Variants in PDCD10 observed in about 807,000 individuals in gnomAD.
PDCD10 encodes the protein programmed cell death 10, also known as programmed cell death protein 10.
A neutral mutation model predicts 29.2 loss-of-function variants in PDCD10; 4 were observed. The ratio of observed to expected loss-of-function variants is 0.14; its 90% CI spans 0.07 to 0.31. PDCD10 has a LOEUF of 0.31. Among genes scored for constraint, PDCD10 ranks in the 10% least tolerant of loss-of-function variants. PDCD10 has a pLI of 1.00. For synonymous variants in PDCD10, 70 were observed against 82.2 expected (o/e 0.85, Z 0.80); for missense variants, 183 against 257.9 (o/e 0.71, Z 1.99).
chr3:167,686,554 C>A (rs935642532), intron 8 of PDCD10, among the ~76,000 whole-genome samples: 1 of 152,192 alleles, frequency 6.6e-6, no homozygotes, highest in Admixed American at 6.5e-5. Context: ...AAAGGATTGA[C>A]AACTATTGCT....
chr3:167,685,340 C>T (rs1422328479), intron 8 of PDCD10, among the ~76,000 whole-genome samples: 1 of 139,882 alleles, frequency 7.1e-6, no homozygotes, highest in Admixed American at 7.7e-5. Context: ...AACCCAGGAG[C>T]TGGAGGTCGC....
intron 2 of PDCD10, among the ~76,000 whole-genome samples, chr3:167,721,099 A>C (rs1192596511): frequency 1.3e-5 from 2 of 152,182 alleles, no homozygotes; most frequent in Non-Finnish European, 2.9e-5. Context: ...TAAAAAAATG[A>C]TCCTAATCAT....
Position 167,725,247 on chromosome 3 carries a change from ACT to A in PDCD10, c.-116-4976_-116-4975del, listed in dbSNP as rs1240748109. 2.0e-3 allele frequency among the ~76,000 whole-genome samples: 286 copies of A among 140,436 alleles called. 1 individual carries two copies. Among genetic ancestry groups the A allele is most frequent in the African/African-American group, 7.3e-3 (266 of 36,508 alleles). 92.1% of individuals were successfully genotyped at this position (140,436 alleles called of 152,430 possible). A position where few individuals can be genotyped will look rare whatever the true frequency, so the allele number is the denominator to read the frequency against. On this transcript the variant is annotated intron_variant, in intron 2 of 8. Coordinates refer to ENST00000392750, the MANE Select transcript of PDCD10 (RefSeq NM_007217.4). ...ACTCCAGCCTGGGCAACAGAGCGAG[ACT>A]CTGTCTCAAAAAAGAAAAAAAAAAA...
chr3:167,684,058 G>A lies in PDCD10; in HGVS notation c.*250C>T, dbSNP rs924137550. 1.8e-5 allele frequency: 7 copies of A among 381,692 alleles called. 1 individual carries two copies. Among genetic ancestry groups the A allele is most frequent in the African/African-American group, 6.1e-5 (3 of 48,940 alleles). The allele number at this position is 381,692 out of a possible 1,614,324, so 23.6% of individuals were successfully genotyped here. The stretch of plus-strand genomic sequence containing the variant: ...ATGTTATATAATGACACATTAAGGC[G>A]TAAATTCTTTTGGCTTATAATTCTT... On this transcript the variant is annotated 3_prime_UTR_variant, in exon 9 of 9. Coordinates refer to ENST00000392750, the MANE Select transcript of PDCD10 (RefSeq NM_007217.4).
intron 3 of PDCD10, among the ~76,000 whole-genome samples, chr3:167,718,141 T>C (rs750041325): frequency 5.3e-5 from 8 of 152,114 alleles, no homozygotes; most frequent in Non-Finnish European, 1.2e-4. Context: ...GTTACCAAGA[T>C]AGGTTACTCA....
intron 8 of PDCD10, 152 bp downstream of exon 8, chr3:167,687,082 T>C (rs1016129917): frequency 1.2e-5 from 7 of 561,324 alleles, no homozygotes; most frequent in Admixed American, 6.4e-5. Context: ...TTAGCAACCA[T>C]TCATTTTCTA....
intron 6 of PDCD10, among the ~76,000 whole-genome samples, chr3:167,691,377 C>G (rs939435535): frequency 1.3e-5 from 2 of 152,128 alleles, no homozygotes; most frequent in African/African-American, 4.8e-5. Flanking sequence ...TTCAATTGTG[C>G]TAAATTAGTA....
In PDCD10 at chr3:167,684,085, A is replaced by G; in HGVS notation, c.*223T>C. The G allele has an allele frequency of 2.3e-6, 1 of 440,974 alleles. No individual in the cohort carries two copies. The highest frequency in any genetic ancestry group is 4.2e-6 in the Non-Finnish European group (1 of 240,272). The allele number at this position is 440,974 out of a possible 1,614,324, so 27.3% of individuals were successfully genotyped here. On this transcript the variant is annotated 3_prime_UTR_variant, in exon 9 of 9. Coordinates refer to ENST00000392750, the MANE Select transcript of PDCD10 (RefSeq NM_007217.4). ...AAATTCTTTTGGCTTATAATTCTTA[A>G]AAGAATGATAATAGCAAAAGTGATG... is the stretch of plus-strand genomic sequence containing the variant.
intron 2 of PDCD10, among the ~76,000 whole-genome samples, chr3:167,724,968 A>G (rs1225776739): frequency 1.3e-5 from 2 of 152,116 alleles, no homozygotes; most frequent in African/African-American, 2.4e-5. Flanking sequence ...AGAGAATCAT[A>G]CTCATCAGCT....
At chr3:167,734,486 G>A (rs1725186320) in intron 1 of PDCD10, 136 bp from the exon 2 acceptor site, 1 of 151,662 alleles carries the variant, frequency 6.6e-6, no homozygotes. Context: ...CACCTTCAAA[G>A]GACCCCACCC....
intron 2 of PDCD10, among the ~76,000 whole-genome samples, chr3:167,722,324 A>C (rs1035128750): frequency 5.8e-4 from 89 of 152,332 alleles, no homozygotes; most frequent in African/African-American, 2.0e-3. Flanking sequence ...GAACAAGACA[A>C]GACAGTCTCT....
At chr3:167,684,498 A>C (rs1719371289) in intron 8 of PDCD10, 109 bp from the exon 9 acceptor site, 3 of 668,478 alleles carry the variant, frequency 4.5e-6, no homozygotes, top group Middle Eastern at 3.8e-4. Context: ...AAAAAAAAAG[A>C]CAAGTTAGTA....
intron 3 of PDCD10, among the ~76,000 whole-genome samples, chr3:167,714,170 C>A (rs1234319046): frequency 6.6e-6 from 1 of 152,034 alleles, no homozygotes; most frequent in African/African-American, 2.4e-5. Flanking sequence ...TTCAACAATA[C>A]ATTAGAAAGA....
intron 2 of PDCD10, among the ~76,000 whole-genome samples, chr3:167,728,968 T>A (rs2108507306): frequency 6.6e-6 from 1 of 152,320 alleles, no homozygotes; most frequent in East Asian, 1.9e-4. Flanking sequence ...AACATTTGTT[T>A]GAAGAAAACA....
chr3:167,684,378 A>G lies in PDCD10; in HGVS notation c.569T>C (p.Val190Ala). 6.3e-7 allele frequency: 1 copy of G among 1,593,650 alleles called. No individual in the cohort carries two copies. The highest frequency in any genetic ancestry group is 1.1e-5 in the South Asian group (1 of 90,684). The change falls in exon 9 of 9, where the codon GTG becomes GCG. Residue 190 changes from valine (V) to alanine (A), a missense_variant. Physicochemically the swap from Val to Ala is moderately conservative, Grantham distance 64. Transcript: ENST00000392750. The stretch of plus-strand genomic sequence containing the variant: ...AATTAGTCGGTTGGCACTTACGAAC[A>G]CATTTATTGCCCTGTTTAAAAAGAA... ...TYFKDGKAIN[V>A]FVSANRLIHQ...
intron 6 of PDCD10, 85 bp downstream of exon 6, chr3:167,695,511 G>C: frequency 8.3e-7 from 1 of 1,197,712 alleles, no homozygotes; most frequent in Non-Finnish European, 1.2e-6. Flanking sequence ...TTTCAAGTTA[G>C]TCATACCAAA....
In PDCD10 at chr3:167,720,241, G is replaced by T; in HGVS notation, c.-84C>A. 1 of 923,014 alleles carries T rather than the reference G, an allele frequency of 1.1e-6. No homozygotes were observed. The allele number at this position is 923,014 out of a possible 1,614,324, so 57.2% of individuals were successfully genotyped here. On this transcript the variant is annotated 5_prime_UTR_variant, in exon 3 of 9. Coordinates refer to ENST00000392750, the MANE Select transcript of PDCD10 (RefSeq NM_007217.4). ...TGCAATATTTCTTCTCTTTTTTGGT[G>T]ATAAAAGAATTGGACACAAAAAACA...
intron 6 of PDCD10, among the ~76,000 whole-genome samples, chr3:167,692,299 C>A (rs529267369): frequency 2.5e-3 from 385 of 152,114 alleles, no homozygotes; most frequent in African/African-American, 8.8e-3. Context: ...GGGATGAGGC[C>A]CAAGTATAAA....
At chr3:167,725,763 T>TTATATTTA (rs1724066207) in intron 2 of PDCD10, among the ~76,000 whole-genome samples, 3 of 77,152 alleles carry the variant, frequency 3.9e-5, no homozygotes, top group Non-Finnish European at 8.1e-5. Context: ...ATTGTATCGT[T>TTATATTTA]TATATATATA....
Sources: allele counts gnomAD v4.1 joint callset (sites outside exome capture counted in the v4.1 genomes callset), GRCh38; gene constraint gnomAD v4.1.1; transcripts MANE v1.5; gene names NCBI Gene and HGNC (gene_info 2026-07-23, HGNC 2026-07-21).